Variants in CALN1 observed in about 807,000 individuals in gnomAD.
CALN1 encodes the protein calcium-binding protein 8.
Under a neutral mutation model 30.6 loss-of-function variants are expected in CALN1, and 17 were observed. The ratio of observed to expected loss-of-function variants is 0.56; its 90% CI spans 0.38 to 0.83. The LOEUF is 0.83. Ranked by LOEUF, CALN1 falls within the 40% of genes least tolerant of loss-of-function variation. The pLI is 0.00. For missense variants in CALN1, 291 were observed against 354.9 expected (o/e 0.82, Z 1.45); for synonymous variants, 156 against 131.4 (o/e 1.19, Z -1.28).
intron 2 of CALN1, among the ~76,000 whole-genome samples, chr7:72,367,466 T>C (rs1803944698): frequency 6.6e-6 from 1 of 151,764 alleles, no homozygotes; most frequent in East Asian, 1.9e-4. Context: ...TCTGCAAAAA[T>C]AAATTGAAAA....
chr7:72,002,995 G>A (rs955082288), intron 5 of CALN1, among the ~76,000 whole-genome samples: 2 of 152,144 alleles, frequency 1.3e-5, no homozygotes, highest in Non-Finnish European at 2.9e-5. Context: ...GGTGGCTATA[G>A]CTAACAGTCT....
chr7:72,405,732 A>G (rs189251926), intron 1 of CALN1, among the ~76,000 whole-genome samples: 29 of 152,206 alleles, frequency 1.9e-4, no homozygotes, highest in Admixed American at 8.5e-4. Context: ...AAAAAAAATG[A>G]CATTTTATTT....
At chr7:71,833,926 T>A (rs1789443717) in intron 5 of CALN1, among the ~76,000 whole-genome samples, 1 of 151,478 alleles carries the variant, frequency 6.6e-6, no homozygotes, top group East Asian at 1.9e-4. Context: ...CAAAAAAAAA[T>A]CTTAAAAGTT....
At chr7:72,377,285 C>G (rs1804618122) in intron 2 of CALN1, among the ~76,000 whole-genome samples, 1 of 151,924 alleles carries the variant, frequency 6.6e-6, no homozygotes, top group Non-Finnish European at 1.5e-5. Context: ...TTGTCTTTAG[C>G]TTTTTTTTAG....
chr7:72,098,731 A>G (rs1289285107), intron 4 of CALN1, among the ~76,000 whole-genome samples: 1 of 149,444 alleles, frequency 6.7e-6, no homozygotes, highest in Admixed American at 6.8e-5. Flanking sequence ...AAATAAAATA[A>G]AATAACTCTG....
At chr7:72,395,080 C>T (rs920822650) in intron 2 of CALN1, among the ~76,000 whole-genome samples, 2 of 152,152 alleles carry the variant, frequency 1.3e-5, no homozygotes, top group African/African-American at 4.8e-5. Flanking sequence ...AACACATAAA[C>T]TCTATGGTAA....
chr7:72,278,008 C>CAG (rs1554348562), intron 3 of CALN1, among the ~76,000 whole-genome samples: 1 of 49,100 alleles, frequency 2.0e-5, no homozygotes, highest in Non-Finnish European at 3.9e-5. Context: ...TCCTCTATTC[C>CAG]GGGGGGGGGG....
chr7:72,362,162 T>TA (rs1395074989), intron 2 of CALN1, among the ~76,000 whole-genome samples: 2 of 152,182 alleles, frequency 1.3e-5, no homozygotes, highest in Non-Finnish European at 2.9e-5. Flanking sequence ...TCCAAATGAA[T>TA]AAAATATCCA....
At chr7:72,400,760 G>A (rs7790418) in intron 2 of CALN1, among the ~76,000 whole-genome samples, 3,381 of 152,234 alleles carry the variant, frequency 0.022, 129 homozygotes, top group African/African-American at 0.077. Context: ...TCCCAAAGCT[G>A]CACCTCTGGC....
Position 72,421,573 on chromosome 7 carries a change from C to CTTT in CALN1, c.-225-9301_-225-9299dup, listed in dbSNP as rs772198450. On this transcript the variant is annotated intron_variant, in intron 1 of 6. Coordinates refer to the CALN1 transcript ENST00000395276. ...GATGATAAGATTTCATTTTATCCTA[C>CTTT]TTTTTTTTTTTTTTTTTTTTTTTTT... 1.5e-3 allele frequency among the ~76,000 whole-genome samples: 89 copies of CTTT among 58,608 alleles called. 23 individuals are homozygous for CTTT. Among genetic ancestry groups the CTTT allele is most frequent in the East Asian group, 0.011 (16 of 1,408 alleles). The allele number at this position is 58,608 out of a possible 152,430, so 38.4% of individuals were successfully genotyped here.
the CALN1 span, among the ~76,000 whole-genome samples, chr7:72,460,394 G>A: frequency 1.3e-5 from 2 of 152,178 alleles, no homozygotes; most frequent in Non-Finnish European, 2.9e-5. Context: ...CACTTTGGGA[G>A]GCTGAGGTGG....
At chr7:71,958,092 G>GA (rs796711704) in intron 5 of CALN1, among the ~76,000 whole-genome samples, 28 of 130,046 alleles carry the variant, frequency 2.2e-4, no homozygotes, top group Admixed American at 4.7e-4. Context: ...AAGAAAGAAA[G>GA]AAAAAAAAAG....
intron 3 of CALN1, among the ~76,000 whole-genome samples, chr7:72,206,635 C>G (rs1182689774): frequency 2.6e-5 from 4 of 151,678 alleles, no homozygotes; most frequent in African/African-American, 7.3e-5. Flanking sequence ...GTTTCATTGC[C>G]TAAAATCCCT....
intron 5 of CALN1, among the ~76,000 whole-genome samples, chr7:71,889,942 G>T (rs1485364618): frequency 6.6e-6 from 1 of 150,774 alleles, no homozygotes; most frequent in African/African-American, 2.5e-5. Context: ...ACCAGCCTGG[G>T]TGACAGATCT....
chr7:72,397,710 TCTCTCA>T (rs1286772584), intron 2 of CALN1, among the ~76,000 whole-genome samples: 9 of 57,298 alleles, frequency 1.6e-4, no homozygotes, highest in African/African-American at 4.6e-4. Context: ...GCACCCATTC[TCTCTCA>T]CACACACACA....
At chr7:72,246,000 G>C (rs1035044595) in intron 3 of CALN1, among the ~76,000 whole-genome samples, 2 of 152,192 alleles carry the variant, frequency 1.3e-5, no homozygotes, top group Non-Finnish European at 2.9e-5. Context: ...ACAAAACTCA[G>C]ACCTAAGATG....
intron 2 of CALN1, among the ~76,000 whole-genome samples, chr7:72,322,388 C>A (rs1005846135): frequency 3.3e-5 from 5 of 152,314 alleles, no homozygotes; most frequent in African/African-American, 1.2e-4. Context: ...CCACCGCTCA[C>A]CTCCTTCTGG....
rs565477207 is a variant in CALN1, at chr7:72,162,743, C to CA, written c.245-56450dup. ...AACAGAACAAGACTCTGTCTCAAAA[C>CA]AAAAAAACAAAAACAAAGAGGACAC... On this transcript the variant is annotated intron_variant, in intron 3 of 6. Transcript: ENST00000395275. Among the ~76,000 whole-genome samples, 31 of 151,990 alleles carry CA rather than the reference C, an allele frequency of 2.0e-4. No homozygotes were observed. In the East Asian group the frequency reaches 2.3e-3, roughly 11 times the overall value.
intron 5 of CALN1, among the ~76,000 whole-genome samples, chr7:71,904,877 A>G (rs1303285623): frequency 6.6e-6 from 1 of 152,210 alleles, no homozygotes; most frequent in Non-Finnish European, 1.5e-5. Flanking sequence ...TGGAATGTGT[A>G]ACAATATACA....
Sources: gnomAD v4.1 joint callset for allele counts (sites outside exome capture counted in the v4.1 genomes callset) on GRCh38, gnomAD v4.1.1 for gene constraint, MANE v1.5 for transcripts, NCBI Gene and HGNC (gene_info 2026-07-23, HGNC 2026-07-21) for gene names.